Variants in DTNB observed in about 807,000 individuals in gnomAD.
DTNB encodes DTN-B.
A neutral mutation model predicts 90.7 loss-of-function variants in DTNB; 63 were observed. The observed-to-expected ratio is 0.69, with a 90% CI of 0.57 to 0.86. The LOEUF is 0.86. Ranked by LOEUF, DTNB falls within the 40% of genes least tolerant of loss-of-function variation. The probability of loss-of-function intolerance (pLI) is 0.00; values close to 1 mark genes in which losing one functional copy is unlikely to be tolerated. For synonymous variants in DTNB, 277 were observed against 286.7 expected (o/e 0.97, Z 0.34); for missense variants, 744 against 807.1 (o/e 0.92, Z 0.95).
At chr2:25,519,277 T>G (rs1162750866) in intron 9 of DTNB, among the ~76,000 whole-genome samples, 1 of 151,654 alleles carries the variant, frequency 6.6e-6, no homozygotes, top group African/African-American at 2.4e-5. Context: ...GACAGGAGGA[T>G]CTCTTGAGCC....
intron 8 of DTNB, among the ~76,000 whole-genome samples, chr2:25,573,323 C>G (rs549669357): frequency 1.3e-5 from 2 of 152,318 alleles, no homozygotes; most frequent in South Asian, 4.2e-4. Context: ...TCTCTGCAGG[C>G]AGAACCAAAG....
At chr2:25,526,364 T>TATATATATAA (rs1320320529) in intron 9 of DTNB, among the ~76,000 whole-genome samples, 24 of 90,778 alleles carry the variant, frequency 2.6e-4, no homozygotes, top group East Asian at 9.6e-4. Context: ...TATATATAAA[T>TATATATATAA]ATATATATAT....
chr2:25,522,468 C>T (rs892448484), intron 9 of DTNB, among the ~76,000 whole-genome samples: 6 of 152,058 alleles, frequency 3.9e-5, no homozygotes. Context: ...GTGCCTACCA[C>T]GCACCAAGCA....
At chr2:25,464,053 G>A (rs956887351) in intron 10 of DTNB, among the ~76,000 whole-genome samples, 2 of 152,098 alleles carry the variant, frequency 1.3e-5, no homozygotes, top group African/African-American at 4.8e-5. Flanking sequence ...CTACAGGTGC[G>A]CACCACCAAG....
At chr2:25,650,171 G>A (rs2080555953) in intron 2 of DTNB, 11 of 985,322 alleles carry the variant, frequency 1.1e-5, no homozygotes, top group South Asian at 4.7e-5. Flanking sequence ...GCCTGCATGC[G>A]TATTACTTAA....
intron 7 of DTNB, among the ~76,000 whole-genome samples, chr2:25,579,704 GA>G (rs982500535): frequency 2.7e-5 from 4 of 150,762 alleles, no homozygotes; most frequent in Non-Finnish European, 5.9e-5. Flanking sequence ...AATGGTGAAG[GA>G]AAAAAAATGA....
At chr2:25,539,209 C>T (rs2080569760) in intron 8 of DTNB, among the ~76,000 whole-genome samples, 1 of 152,158 alleles carries the variant, frequency 6.6e-6, no homozygotes, top group Admixed American at 6.5e-5. Context: ...GCTGTTGTAA[C>T]TTTCCTGTCC....
At chr2:25,474,440 G>A (rs1279570482) in intron 10 of DTNB, among the ~76,000 whole-genome samples, 1 of 152,134 alleles carries the variant, frequency 6.6e-6, no homozygotes, top group Non-Finnish European at 1.5e-5. Flanking sequence ...TTTCACAGGT[G>A]GGAAGAGAAT....
chr2:25,587,525 G>A (rs541058861), intron 6 of DTNB, among the ~76,000 whole-genome samples: 113 of 152,278 alleles, frequency 7.4e-4, no homozygotes, highest in African/African-American at 2.5e-3. Context: ...GACCTGGACC[G>A]ACAGCCCCAC....
chr2:25,485,806 T>G (rs535635373), intron 9 of DTNB, among the ~76,000 whole-genome samples: 2 of 151,196 alleles, frequency 1.3e-5, no homozygotes. Flanking sequence ...TGAGACCCTG[T>G]CTTCACAAAA....
chr2:25,448,396 G>T (rs1235120150), intron 12 of DTNB, among the ~76,000 whole-genome samples: 1 of 151,990 alleles, frequency 6.6e-6, no homozygotes. Flanking sequence ...AGAAAGTAAA[G>T]AATTGAAAAA....
chr2:25,449,539 AT>A (rs890950310), intron 12 of DTNB, among the ~76,000 whole-genome samples: 18 of 152,298 alleles, frequency 1.2e-4, no homozygotes, highest in African/African-American at 4.3e-4. Flanking sequence ...ATACAGTGGT[AT>A]CATTGGCATT....
chr2:25,636,761 T>C (rs2077211358), intron 3 of DTNB, among the ~76,000 whole-genome samples: 2 of 152,158 alleles, frequency 1.3e-5, no homozygotes, highest in Admixed American at 1.3e-4. Context: ...TCCTTTTTTT[T>C]CCTATTATAT....
intron 10 of DTNB, among the ~76,000 whole-genome samples, chr2:25,477,427 A>G (rs1197792086): frequency 6.6e-6 from 1 of 152,158 alleles, no homozygotes; most frequent in East Asian, 1.9e-4. Context: ...TGATCTTCAA[A>G]AACTGCTTTT....
chr2:25,478,188 A>T (rs2064128072), intron 10 of DTNB, among the ~76,000 whole-genome samples: 1 of 151,942 alleles, frequency 6.6e-6, no homozygotes, highest in Non-Finnish European at 1.5e-5. Context: ...TGTGTGTGTG[A>T]GTGTTTAAAA....
At chr2:25,535,337 T>G (rs1317100123) in intron 8 of DTNB, among the ~76,000 whole-genome samples, 9 of 97,372 alleles carry the variant, frequency 9.2e-5, no homozygotes, top group African/African-American at 3.7e-4. Flanking sequence ...CACCTCCCAT[T>G]CGGGGCAGCC....
chr2:25,664,128 T>G lies in DTNB; in HGVS notation c.-2+9258A>C, dbSNP rs1201819736. Among the ~76,000 whole-genome samples the G allele has an allele frequency of 3.3e-5, 5 of 152,308 alleles. No individual in the cohort carries two copies. The East Asian group carries it at 7.7e-4, about 23-fold the overall frequency. On this transcript the variant is annotated intron_variant, in intron 1 of 20. Transcript: ENST00000406818. ...CAATGTACTCAACAGTGTATATAAG[T>G]CCATATTTTAAATAGTATTTTTAGT...
At chr2:25,461,805 T>C (rs2060992563) in intron 10 of DTNB, among the ~76,000 whole-genome samples, 1 of 152,218 alleles carries the variant, frequency 6.6e-6, no homozygotes, top group African/African-American at 2.4e-5. Flanking sequence ...GTAAGTGTTT[T>C]GATGAGCGGG....
chr2:25,437,449 A>G (rs1228549092), intron 12 of DTNB, among the ~76,000 whole-genome samples: 1 of 152,002 alleles, frequency 6.6e-6, no homozygotes, highest in Admixed American at 6.6e-5. Context: ...TTAAGTAGGG[A>G]CAGGGTTTCA....
Sources: allele counts gnomAD v4.1 joint callset (sites outside exome capture counted in the v4.1 genomes callset), GRCh38; gene constraint gnomAD v4.1.1; transcripts MANE v1.5; gene names NCBI Gene and HGNC (gene_info 2026-07-23, HGNC 2026-07-21).